Variants in ZDHHC7 observed in about 807,000 individuals in gnomAD.
ZDHHC7 encodes the protein zDHHC palmitoyltransferase 7, also known as palmitoyltransferase ZDHHC7.
ZDHHC7 carries 12 observed loss-of-function variants against 34.1 expected under a neutral mutation model. That is an observed-to-expected ratio of 0.35 (90% CI 0.23 to 0.57). The LOEUF (loss-of-function observed/expected upper bound fraction) is 0.57, where lower values mean the gene tolerates loss of function less well. Ranked by LOEUF, ZDHHC7 falls within the 20% of genes least tolerant of loss-of-function variation. ZDHHC7 has a pLI of 0.84. For missense variants in ZDHHC7, 388 were observed against 402.7 expected, an observed-to-expected ratio of 0.96 and a Z score of 0.31; for synonymous variants, 185 against 155.4, an observed-to-expected ratio of 1.19 and a Z score of -1.42.
chr16:85,017,768 G>A, the ZDHHC7 span, among the ~76,000 whole-genome samples: 2 of 152,254 alleles, frequency 1.3e-5, no homozygotes, highest in Non-Finnish European at 2.9e-5. Flanking sequence ...AGGAATTTAA[G>A]GATAAGTCAG....
intron 4 of ZDHHC7, among the ~76,000 whole-genome samples, chr16:84,980,124 C>G (rs925669362): frequency 1.3e-5 from 2 of 151,430 alleles, no homozygotes; most frequent in African/African-American, 4.9e-5. Flanking sequence ...CCATGCCCGG[C>G]TAATTTTTTT....
At chr16:85,015,671 C>T (rs980382917), upstream of ZDHHC7, among the ~76,000 whole-genome samples, 2 of 151,954 alleles carry the variant, frequency 1.3e-5, no homozygotes, top group African/African-American at 4.8e-5. Flanking sequence ...AATGTAATGA[C>T]ACCCTGTCTA....
Position 84,976,361 on chromosome 16 carries a change from G to A in ZDHHC7, c.909C>T (p.Gly303=), listed in dbSNP as rs2072296866. 3.7e-6 allele frequency: 6 copies of A among 1,613,894 alleles called. No individual in the cohort carries two copies. The South Asian group carries it at 5.5e-5, about 15-fold the overall frequency. ...CCACGCCTCACACTGAGAACTCCGGGCCACCTTTTCTGGGTCTCGTGGGCA... is the reference window on the plus strand; with the variant it reads ...CCACGCCTCACACTGAGAACTCCGGACCACCTTTTCTGGGTCTCGTGGGCA... ...RRLPTRPRKG[G]PEFSV The change falls in exon 8 of 8, where the codon GGC becomes GGT. Residue 303 remains glycine (G), a synonymous_variant. Transcript: ENST00000313732.
chr16:85,016,069 G>A (rs1247593591), upstream of ZDHHC7, among the ~76,000 whole-genome samples: 2 of 152,100 alleles, frequency 1.3e-5, no homozygotes, highest in South Asian at 2.1e-4. Context: ...CCCCAACCAC[G>A]TCATGGCCTA....
intron 1 of ZDHHC7, among the ~76,000 whole-genome samples, chr16:84,998,458 T>C (rs1438975954): frequency 6.6e-6 from 1 of 152,140 alleles, no homozygotes; most frequent in Non-Finnish European, 1.5e-5. Flanking sequence ...GTGCTTTTTC[T>C]GCCTGAGTCA....
chr16:85,011,160 C>T (rs545512773), intron 1 of ZDHHC7, 126 bp downstream of exon 1: 3 of 152,482 alleles, frequency 2.0e-5, no homozygotes, highest in African/African-American at 7.2e-5. Flanking sequence ...TCCAGAAGGT[C>T]GCAGGTGTGC....
the ZDHHC7 span, among the ~76,000 whole-genome samples, chr16:85,019,909 T>C: frequency 3.3e-5 from 5 of 152,140 alleles, no homozygotes; most frequent in Non-Finnish European, 4.4e-5. Flanking sequence ...TTGAACTTCT[T>C]AGCTGCTGTT....
chr16:85,026,186 G>C, the ZDHHC7 span, among the ~76,000 whole-genome samples: 11 of 152,208 alleles, frequency 7.2e-5, no homozygotes, highest in African/African-American at 2.4e-4. Context: ...GATGGCACAA[G>C]TCGGTGCCTT....
At position 84,990,288 on chromosome 16, in the gene ZDHHC7, C is replaced by T. The variant is rs375740646; in HGVS notation, c.315+16G>A. On this transcript the variant is annotated intron_variant, in intron 3 of 7. Coordinates refer to ENST00000313732, the MANE Select transcript of ZDHHC7 (RefSeq NM_017740.3). ...CAGACACAAGAGAGCCACCCAGAGA[C>T]GCAGCCAGTACTCACAGGGTCGGTG... The T allele has an allele frequency of 7.6e-5, 123 of 1,609,360 alleles. 2 individuals are homozygous for T. The highest frequency in any genetic ancestry group is 7.9e-5 in the Non-Finnish European group (93 of 1,176,842).
chr16:85,019,939 C>G, the ZDHHC7 span, among the ~76,000 whole-genome samples: 1 of 152,216 alleles, frequency 6.6e-6, no homozygotes, highest in Non-Finnish European at 1.5e-5. Context: ...CGTAGACTCA[C>G]TTCATCCTCA....
intron 3 of ZDHHC7, 83 bp from the exon 4 acceptor site, chr16:84,982,077 A>C: frequency 6.4e-7 from 1 of 1,564,320 alleles, no homozygotes; most frequent in Non-Finnish European, 8.7e-7. Flanking sequence ...CACACCTGTA[A>C]TCCCAGCACT....
At chr16:84,978,191 C>T in intron 5 of ZDHHC7, 186 bp from the exon 6 acceptor site, 1 of 476,404 alleles carries the variant, frequency 2.1e-6, no homozygotes, top group Non-Finnish European at 3.8e-6. Context: ...GCACCATGCC[C>T]GGCTAACTGT....
the ZDHHC7 span, among the ~76,000 whole-genome samples, chr16:85,018,782 G>C: frequency 1.3e-5 from 2 of 152,050 alleles, no homozygotes; most frequent in Non-Finnish European, 2.9e-5. Flanking sequence ...GATGCTGGCA[G>C]GGAGAGAGAG....
At chr16:85,013,559 G>C (rs1015186404), upstream of ZDHHC7, among the ~76,000 whole-genome samples, 1 of 151,950 alleles carries the variant, frequency 6.6e-6, no homozygotes, top group East Asian at 1.9e-4. Context: ...ATTATTCTTT[G>C]TCGAAGGTAC....
At chr16:85,013,695 T>C (rs2072822450), upstream of ZDHHC7, among the ~76,000 whole-genome samples, 1 of 151,998 alleles carries the variant, frequency 6.6e-6, no homozygotes. Context: ...TTTTTTGTTT[T>C]GTTTTGTTTT....
At chr16:85,026,646 T>C in the ZDHHC7 span, among the ~76,000 whole-genome samples, 4 of 151,462 alleles carry the variant, frequency 2.6e-5, no homozygotes, top group African/African-American at 9.7e-5. Flanking sequence ...TGATCATCGA[T>C]CCATATGTCA....
intron 2 of ZDHHC7, among the ~76,000 whole-genome samples, chr16:84,991,542 C>A (rs1416737552): frequency 6.6e-6 from 1 of 152,182 alleles, no homozygotes; most frequent in African/African-American, 2.4e-5. Flanking sequence ...TCTGCCTCGG[C>A]CTCCCAAAGT....
intron 1 of ZDHHC7, among the ~76,000 whole-genome samples, chr16:84,996,761 G>T (rs1395166389): frequency 1.3e-5 from 2 of 152,162 alleles, no homozygotes; most frequent in Non-Finnish European, 2.9e-5. Flanking sequence ...AGGCGCGGTG[G>T]CTCACGCCTG....
upstream of ZDHHC7, among the ~76,000 whole-genome samples, chr16:85,014,242 GTA>G (rs1302497087): frequency 6.6e-6 from 1 of 152,204 alleles, no homozygotes; most frequent in Non-Finnish European, 1.5e-5. Context: ...CACCTGAGAA[GTA>G]TAGATTTCAA....
Sources: gnomAD v4.1 joint callset for allele counts (sites outside exome capture counted in the v4.1 genomes callset) on GRCh38, gnomAD v4.1.1 for gene constraint, MANE v1.5 for transcripts, NCBI Gene and HGNC (gene_info 2026-07-23, HGNC 2026-07-21) for gene names.